BBS9: variants seen among roughly 807,000 people sequenced by gnomAD.
The protein encoded by BBS9 is protein PTHB1.
BBS9 carries 89 observed loss-of-function variants against 117.7 expected under a neutral mutation model. The observed-to-expected ratio is 0.76, with a 90% CI of 0.64 to 0.90. The LOEUF (loss-of-function observed/expected upper bound fraction) is 0.90, where lower values mean the gene tolerates loss of function less well. Ranked by LOEUF, BBS9 falls within the 40% of genes least tolerant of loss-of-function variation. The pLI is 0.00. For synonymous variants in BBS9, 379 were observed against 370.9 expected (o/e 1.02, Z -0.25); for missense variants, 982 against 1,042.2 (o/e 0.94, Z 0.80).
chr7:33,300,482 TTTTTAA>T (rs1035044558), intron 9 of BBS9, among the ~76,000 whole-genome samples: 1 of 152,234 alleles, frequency 6.6e-6, no homozygotes, highest in African/African-American at 2.4e-5. Context: ...GAACCATTTC[TTTTTAA>T]TTTTAATTTT....
intron 5 of BBS9, among the ~76,000 whole-genome samples, chr7:33,230,523 AATAGTGCAC>A (rs1792155231): frequency 6.6e-6 from 1 of 152,170 alleles, no homozygotes; most frequent in South Asian, 2.1e-4. Context: ...CCTTTACCCA[AATAGTGCAC>A]ATTGCACCCA....
intron 9 of BBS9, among the ~76,000 whole-genome samples, chr7:33,319,980 C>T (rs1445904807): frequency 6.6e-6 from 1 of 152,116 alleles, no homozygotes; most frequent in Non-Finnish European, 1.5e-5. Flanking sequence ...TTTGTGGGCA[C>T]ACTGTAGCAT....
chr7:33,562,545 C>T (rs111696374), intron 21 of BBS9, among the ~76,000 whole-genome samples: 1,948 of 152,238 alleles, frequency 0.013, 40 homozygotes, highest in South Asian at 0.09. Context: ...TGGTACAGCC[C>T]CAAATCCTAA....
intron 21 of BBS9, among the ~76,000 whole-genome samples, chr7:33,617,909 A>T (rs1457154562): frequency 6.6e-6 from 1 of 152,186 alleles, no homozygotes; most frequent in Non-Finnish European, 1.5e-5. Flanking sequence ...AATCAAGCCA[A>T]CTAACATATG....
Position 33,390,407 on chromosome 7 carries a change from G to T in BBS9, c.2115+2263G>T, listed in dbSNP as rs1826860164. 4.1e-6 allele frequency: 4 copies of T among 985,250 alleles called. No individual in the cohort carries two copies. In the African/African-American group the frequency reaches 5.2e-5, roughly 13 times the overall value. The allele number at this position is 985,250 out of a possible 1,614,324, so 61.0% of individuals were successfully genotyped here. On this transcript the variant is annotated intron_variant, in intron 19 of 22. Transcript: ENST00000242067. ...GTTTTCCATGATTTGTAATATTACAGACAAGACGATCAAAACCATGGCTTT... is the reference window on the plus strand; with the variant it reads ...GTTTTCCATGATTTGTAATATTACATACAAGACGATCAAAACCATGGCTTT...
At chr7:33,406,455 G>C (rs935410199) in intron 19 of BBS9, among the ~76,000 whole-genome samples, 1 of 151,930 alleles carries the variant, frequency 6.6e-6, no homozygotes, top group Non-Finnish European at 1.5e-5. Context: ...ATAGTGTTAT[G>C]TGTGAATTTG....
intron 20 of BBS9, among the ~76,000 whole-genome samples, chr7:33,521,240 C>T (rs1284408260): frequency 2.6e-5 from 4 of 152,184 alleles, no homozygotes; most frequent in Non-Finnish European, 5.9e-5. Context: ...ATGTTCCTGG[C>T]AAAATATAAA....
At chr7:33,465,160 A>G (rs937620161) in intron 19 of BBS9, among the ~76,000 whole-genome samples, 1 of 151,644 alleles carries the variant, frequency 6.6e-6, no homozygotes, top group Admixed American at 6.6e-5. Context: ...GCATGTAGAG[A>G]TGGGATCTGT....
At chr7:33,389,687 T>TAAAAAAAAAAA (rs5883400) in intron 19 of BBS9, among the ~76,000 whole-genome samples, 1 of 91,962 alleles carries the variant, frequency 1.1e-5, no homozygotes, top group African/African-American at 4.5e-5. Flanking sequence ...AGACTCCATC[T>TAAAAAAAAAAA]AAAAAAAAAA....
intron 15 of BBS9, among the ~76,000 whole-genome samples, chr7:33,355,156 T>G (rs572009564): frequency 1.3e-5 from 2 of 151,976 alleles, no homozygotes; most frequent in South Asian, 4.1e-4. Flanking sequence ...TGAAAAGTCT[T>G]TAAATACATG....
At chr7:33,181,927 C>CAA (rs1009808839) in intron 5 of BBS9, among the ~76,000 whole-genome samples, 2 of 152,084 alleles carry the variant, frequency 1.3e-5, no homozygotes, top group Non-Finnish European at 2.9e-5. Context: ...ACTAAAAATA[C>CAA]AAAAACAAAA....
At chr7:33,270,071 G>A (rs1471519879) in intron 7 of BBS9, among the ~76,000 whole-genome samples, 1 of 148,748 alleles carries the variant, frequency 6.7e-6, no homozygotes, top group Non-Finnish European at 1.5e-5. Context: ...TGCCACATAA[G>A]TGAGAAAGAG....
chr7:33,511,120 T>C (rs1019627459), intron 20 of BBS9, among the ~76,000 whole-genome samples: 2 of 152,096 alleles, frequency 1.3e-5, no homozygotes, highest in African/African-American at 4.8e-5. Context: ...TTAATTTTTT[T>C]CTGTTGAGCC....
chr7:33,254,922 C>T (rs1481073933), intron 5 of BBS9, among the ~76,000 whole-genome samples: 4 of 152,026 alleles, frequency 2.6e-5, no homozygotes, highest in Admixed American at 2.6e-4. Flanking sequence ...ATGTTGAGCA[C>T]CTTTTCATAT....
In BBS9 at chr7:33,430,570, A is replaced by G. The variant is rs554597916; in HGVS notation, c.2115+42426A>G. On this transcript the variant is annotated intron_variant, in intron 19 of 22. Transcript: ENST00000242067. Reference sequence around the variant, plus strand: ...TAGTCACTTATGTGGAGGGAACTCTAGTTCCTTGTTTATCGAAAGCAGTGG... The same window carrying G: ...TAGTCACTTATGTGGAGGGAACTCTGGTTCCTTGTTTATCGAAAGCAGTGG... 2.0e-5 allele frequency among the ~76,000 whole-genome samples: 3 copies of G among 152,316 alleles called. No homozygotes were observed. In the East Asian group the frequency reaches 5.8e-4, roughly 29 times the overall value.
chr7:33,264,414 T>C, intron 7 of BBS9, 40 bp downstream of exon 7: 1 of 1,153,898 alleles, frequency 8.7e-7, no homozygotes, highest in South Asian at 1.5e-5. Flanking sequence ...TCAATAATGC[T>C]ATATCTAATC....
At chr7:33,387,321 A>G (rs531823535) in intron 18 of BBS9, among the ~76,000 whole-genome samples, 8 of 152,042 alleles carry the variant, frequency 5.3e-5, no homozygotes, top group South Asian at 2.1e-4. Flanking sequence ...CCATTTTTCT[A>G]TTGGATTGTT....
intron 4 of BBS9, among the ~76,000 whole-genome samples, chr7:33,158,366 G>C (rs1175688324): frequency 1.3e-5 from 2 of 152,122 alleles, no homozygotes; most frequent in African/African-American, 2.4e-5. Context: ...AATGTATGTA[G>C]ACTATAATCA....
intron 21 of BBS9, among the ~76,000 whole-genome samples, chr7:33,613,106 A>G (rs1291828457): frequency 6.6e-6 from 1 of 152,096 alleles, no homozygotes; most frequent in Non-Finnish European, 1.5e-5. Context: ...GACAGTTGCA[A>G]TACAAGATGA....
Sources: gnomAD v4.1 joint callset for allele counts (sites outside exome capture counted in the v4.1 genomes callset) on GRCh38, gnomAD v4.1.1 for gene constraint, MANE v1.5 for transcripts, NCBI Gene and HGNC (gene_info 2026-07-23, HGNC 2026-07-21) for gene names.